The following PPP2R1B variants were observed in gnomAD, a reference collection of about 807,000 sequenced individuals.
PPP2R1B encodes the protein serine/threonine-protein phosphatase 2A 65 kDa regulatory subunit A beta isoform.
PPP2R1B carries 58 observed loss-of-function variants against 72.7 expected under a neutral mutation model. The observed-to-expected ratio is 0.80, with a 90% CI of 0.65 to 0.99. The LOEUF (loss-of-function observed/expected upper bound fraction) is 0.99, where lower values mean the gene tolerates loss of function less well. PPP2R1B is among the 50% of genes least tolerant of loss of function. The pLI, the probability that PPP2R1B is intolerant of heterozygous loss-of-function variation, is 0.00. For synonymous variants in PPP2R1B, 256 were observed against 264.6 expected, an observed-to-expected ratio of 0.97 and a Z score of 0.32; for missense variants, 695 against 733.6, an observed-to-expected ratio of 0.95 and a Z score of 0.61.
At chr11:111,720,292 C>T in the PPP2R1B span, among the ~76,000 whole-genome samples, 1 of 152,256 alleles carries the variant, frequency 6.6e-6, no homozygotes, top group African/African-American at 2.4e-5. Context: ...GATGCCACTT[C>T]TGGAGTGTTT....
intron 10 of PPP2R1B, 86 bp downstream of exon 10, chr11:111,752,073 A>G: frequency 7.2e-7 from 1 of 1,395,200 alleles, no homozygotes; most frequent in Non-Finnish European, 9.7e-7. Flanking sequence ...AAACATAAGC[A>G]TACAGGCTAC....
chr11:111,693,959 C>T, the PPP2R1B span, among the ~76,000 whole-genome samples: 1 of 152,196 alleles, frequency 6.6e-6, no homozygotes, highest in Non-Finnish European at 1.5e-5. Flanking sequence ...TTCCTGACTT[C>T]TCTCTTCTCA....
the PPP2R1B span, among the ~76,000 whole-genome samples, chr11:111,721,286 T>A: frequency 3.9e-5 from 6 of 152,112 alleles, no homozygotes; most frequent in South Asian, 6.2e-4. Context: ...GCCTGGACAC[T>A]CTCAAGCTGT....
At chr11:111,736,702 A>G (rs1490448214), downstream of PPP2R1B, among the ~76,000 whole-genome samples, 1 of 152,254 alleles carries the variant, frequency 6.6e-6, no homozygotes, top group African/African-American at 2.4e-5. Context: ...TTCGGTTCAC[A>G]TAAAATGAAA....
chr11:111,752,747 G>A (rs987854341), intron 9 of PPP2R1B, among the ~76,000 whole-genome samples: 4 of 152,062 alleles, frequency 2.6e-5, no homozygotes, highest in East Asian at 1.9e-4. Flanking sequence ...AGGCCGAGAC[G>A]GGCAGATCAC....
At chr11:111,746,555 T>C (rs1188535919) in intron 11 of PPP2R1B, among the ~76,000 whole-genome samples, 5 of 152,144 alleles carry the variant, frequency 3.3e-5, no homozygotes, top group Non-Finnish European at 4.4e-5. Context: ...GACAGGTTGA[T>C]AGATGCGGCA....
downstream of PPP2R1B, among the ~76,000 whole-genome samples, chr11:111,734,480 G>T (rs1251158386): frequency 6.6e-6 from 1 of 152,206 alleles, no homozygotes; most frequent in Admixed American, 6.5e-5. Context: ...AGGCCTGGGG[G>T]AGTCTTTTTG....
At position 111,738,004 on chromosome 11, in the gene PPP2R1B, T is replaced by G; in HGVS notation, c.*3592A>C. On this transcript the variant is annotated 3_prime_UTR_variant, in exon 15 of 15. Transcript: ENST00000527614. ...TCCATCCCAACTGAACGTTATGTAA[T>G]TTCCTGGAAACAGCAGGCTCGTGGA... 9.9e-7 allele frequency: 1 copy of G among 1,008,694 alleles called. No homozygotes were observed. The highest frequency in any genetic ancestry group is 1.2e-6 in the Non-Finnish European group (1 of 842,792). 62.5% of individuals were successfully genotyped at this position (1,008,694 alleles called of 1,614,324 possible). A position where few individuals can be genotyped will look rare whatever the true frequency, so the allele number is the denominator to read the frequency against.
the PPP2R1B span, among the ~76,000 whole-genome samples, chr11:111,714,142 G>A: frequency 6.6e-6 from 1 of 152,200 alleles, no homozygotes; most frequent in South Asian, 2.1e-4. Context: ...GAGGAGTGAT[G>A]TCTACAGTGG....
intron 7 of PPP2R1B, 114 bp from the exon 8 acceptor site, chr11:111,754,683 A>G: frequency 6.9e-7 from 1 of 1,452,854 alleles, no homozygotes; most frequent in South Asian, 1.5e-5. Context: ...GTTTAAGCAA[A>G]TAAGGAAAAC....
At position 111,739,075 on chromosome 11, in the gene PPP2R1B, G is replaced by A. The variant is rs1035750166; in HGVS notation, c.*2521C>T. ...AAGGGCCACATAAAGCTTGTTTCCTGAAAGCAGGAAAATCTTTCTGTCAGT... is the reference window on the plus strand; with the variant it reads ...AAGGGCCACATAAAGCTTGTTTCCTAAAAGCAGGAAAATCTTTCTGTCAGT... On this transcript the variant is annotated 3_prime_UTR_variant, in exon 15 of 15. Coordinates refer to ENST00000527614, the MANE Select transcript of PPP2R1B (RefSeq NM_002716.5). The A allele has an allele frequency of 1.2e-5, 12 of 985,416 alleles. No individual in the cohort carries two copies. Among genetic ancestry groups the A allele is most frequent in the Non-Finnish European group, 1.4e-5 (12 of 829,930 alleles). The allele number at this position is 985,416 out of a possible 1,614,324, so 61.0% of individuals were successfully genotyped here. A position where few individuals can be genotyped will look rare whatever the true frequency, so the allele number is the denominator to read the frequency against.
the PPP2R1B span, among the ~76,000 whole-genome samples, chr11:111,697,452 A>T: frequency 9.2e-5 from 14 of 152,202 alleles, no homozygotes; most frequent in African/African-American, 3.4e-4. Context: ...AATAAATAAT[A>T]ATAGCAATGA....
chr11:111,711,717 C>T, the PPP2R1B span, among the ~76,000 whole-genome samples: 1 of 152,194 alleles, frequency 6.6e-6, no homozygotes, highest in Non-Finnish European at 1.5e-5. Context: ...TTTACCATCT[C>T]ACCTACACCA....
chr11:111,714,064 G>A, the PPP2R1B span, among the ~76,000 whole-genome samples: 2 of 152,258 alleles, frequency 1.3e-5, no homozygotes, highest in African/African-American at 2.4e-5. Flanking sequence ...AGGAAAGTCC[G>A]GTTTAACTGT....
downstream of PPP2R1B, chr11:111,737,773 G>T: frequency 7.6e-7 from 1 of 1,321,724 alleles, no homozygotes. Flanking sequence ...TCGGGGCCCT[G>T]GAAAGCGCCA....
the PPP2R1B span, among the ~76,000 whole-genome samples, chr11:111,706,844 C>T: frequency 8.3e-4 from 125 of 151,320 alleles, no homozygotes; most frequent in African/African-American, 2.9e-3. Flanking sequence ...CTTGTAGTCC[C>T]AGCTACTTGG....
chr11:111,754,823 G>C (rs1221037708), intron 7 of PPP2R1B, among the ~76,000 whole-genome samples, 157 bp downstream of exon 7: 2 of 151,728 alleles, frequency 1.3e-5, no homozygotes, highest in Non-Finnish European at 2.9e-5. Context: ...AATATAAAGA[G>C]ACTATCTTTA....
chr11:111,740,013 T>C lies in PPP2R1B; in HGVS notation c.*1583A>G, dbSNP rs1351622666. ...AAAACTTGGTTTTATGTAACAAATA[T>C]ACAAAGTCTTAGAGGAGTCTTTGGG... On this transcript the variant is annotated 3_prime_UTR_variant, in exon 15 of 15. Coordinates refer to ENST00000527614, the MANE Select transcript of PPP2R1B (RefSeq NM_002716.5). 3 of 982,186 alleles carry C rather than the reference T, an allele frequency of 3.1e-6. No homozygotes were observed. Among genetic ancestry groups the C allele is most frequent in the Non-Finnish European group, 2.4e-6 (2 of 826,996 alleles). The allele number at this position is 982,186 out of a possible 1,614,324, so 60.8% of individuals were successfully genotyped here.
downstream of PPP2R1B, chr11:111,724,162 AG>A (rs751763010): frequency 9.3e-5 from 147 of 1,587,442 alleles, 1 homozygote; most frequent in Middle Eastern, 1.2e-3. Context: ...GGTCAGGTGA[AG>A]GAAGAGTGTA....
Sources: allele counts gnomAD v4.1 joint callset (sites outside exome capture counted in the v4.1 genomes callset), GRCh38; gene constraint gnomAD v4.1.1; transcripts MANE v1.5; gene names NCBI Gene and HGNC (gene_info 2026-07-23, HGNC 2026-07-21).